The following CCAR2 variants were observed in gnomAD, a reference collection of about 807,000 sequenced individuals.
CCAR2 encodes cell cycle and apoptosis regulator protein 2.
A neutral mutation model predicts 108.1 loss-of-function variants in CCAR2; 21 were observed. The ratio of observed to expected loss-of-function variants is 0.19; its 90% CI spans 0.14 to 0.28. The LOEUF (loss-of-function observed/expected upper bound fraction) is 0.28, where lower values mean the gene tolerates loss of function less well. Among genes scored for constraint, CCAR2 ranks in the 10% least tolerant of loss-of-function variants. CCAR2 has a pLI of 1.00. For synonymous variants in CCAR2, 577 were observed against 472.8 expected (o/e 1.22, Z -2.86); for missense variants, 1,126 against 1,177.0 (o/e 0.96, Z 0.63).
chr8:22,615,402 G>T (rs201009166), intron 11 of CCAR2, 23 bp from the exon 12 acceptor site: 1 of 1,608,252 alleles, frequency 6.2e-7, no homozygotes, highest in East Asian at 2.2e-5. Flanking sequence ...AAAGAAGTTA[G>T]TACCTCCTTT....
At position 22,619,794 on chromosome 8, in the gene CCAR2, G is replaced by GTGGC; in HGVS notation, c.*115_*118dup. The GTGGC allele has an allele frequency of 3.3e-6, 4 of 1,198,756 alleles. No homozygotes were observed. The highest frequency in any genetic ancestry group is 3.6e-6 in the Non-Finnish European group (3 of 840,388). The allele number at this position is 1,198,756 out of a possible 1,614,324, so 74.3% of individuals were successfully genotyped here. On this transcript the variant is annotated 3_prime_UTR_variant, in exon 21 of 21. Coordinates refer to ENST00000308511, the MANE Select transcript of CCAR2 (RefSeq NM_001393997.1). The stretch of plus-strand genomic sequence containing the variant: ...GCGAGACCTGGGAGCCAGGGCAGGG[G>GTGGC]TGGCTGACCCCATGCTCAGCCTCTA...
chr8:22,607,980 T>C lies in CCAR2; in HGVS notation c.499T>C (p.Phe167Leu), dbSNP rs1042426564. Residue 167 changes from phenylalanine to leucine, a missense_variant, in exon 7 of 21, where the codon TTC (phenylalanine) becomes CTC (leucine). Physicochemically the swap from Phe to Leu is conservative, Grantham distance 22. Transcript: ENST00000308511. ...TTTCCTTTCTGCAGCTCTGAGTCTC[T>C]TCCAAACATCCCACACACTTCACCT... ...PLFPQKPLSL[F>L]QTSHTLHLSH... 1 of 1,613,834 alleles carries C rather than the reference T, an allele frequency of 6.2e-7. No individual in the cohort carries two copies. Among genetic ancestry groups the C allele is most frequent in the Non-Finnish European group, 8.5e-7 (1 of 1,179,974 alleles).
intron 7 of CCAR2, 179 bp from the exon 8 acceptor site, chr8:22,612,838 A>G: frequency 1.5e-6 from 1 of 669,648 alleles, no homozygotes; most frequent in African/African-American, 1.8e-5. Context: ...TGTTTATTAA[A>G]ACAGTAAATA....
Position 22,618,468 on chromosome 8 carries a change from C to T in CCAR2, c.2193C>T (p.Thr731=), listed in dbSNP as rs200139444. Residue 731 remains threonine (T), a synonymous_variant, in exon 17 of 21, where the codon ACC becomes ACT. Transcript: ENST00000308511. ...GAGACTTAGAGAGGATCCTCCTTAC[C>T]CTTGGGATCCGGCTCAGTGCAGAGC... ...HRRDLERILL[T]LGIRLSAEQA... 5.0e-6 allele frequency: 8 copies of T among 1,614,216 alleles called. No individual in the cohort carries two copies. Among genetic ancestry groups the T allele is most frequent in the South Asian group, 1.1e-5 (1 of 91,082 alleles).
chr8:22,610,132 TG>T (rs1281759411), intron 7 of CCAR2, among the ~76,000 whole-genome samples: 1 of 152,114 alleles, frequency 6.6e-6, no homozygotes, highest in Non-Finnish European at 1.5e-5. Context: ...ATACTACCAT[TG>T]GGAGGGAGAT....
At chr8:22,605,009 G>T in intron 1 of CCAR2, 167 bp downstream of exon 1, 1 of 308,228 alleles carries the variant, frequency 3.2e-6, no homozygotes, top group Non-Finnish European at 6.4e-6. Context: ...TCGGCCTTGG[G>T]GGCGGGCGGG....
intron 7 of CCAR2, among the ~76,000 whole-genome samples, chr8:22,611,620 G>A (rs892234083): frequency 1.3e-5 from 2 of 152,130 alleles, no homozygotes; most frequent in East Asian, 3.9e-4. Context: ...CTATACATGT[G>A]CATACTTTTT....
At chr8:22,618,218 G>A (rs1231687555) in intron 16 of CCAR2, 131 bp from the exon 17 acceptor site, 8 of 1,225,918 alleles carry the variant, frequency 6.5e-6, no homozygotes, top group Non-Finnish European at 9.4e-6. Flanking sequence ...AGCCTCCCCA[G>A]CAGCTGGGAC....
chr8:22,615,015 C>G lies in CCAR2; in HGVS notation c.1205+14C>G. ...CTGTACCAAGTGGTGAGTGGGCTTC[C>G]TGAGCCTCAGCTGCACCAACGCACC... On this transcript the variant is annotated intron_variant, in intron 11 of 20. Coordinates refer to ENST00000308511, the MANE Select transcript of CCAR2 (RefSeq NM_001393997.1). The G allele has an allele frequency of 2.6e-6, 4 of 1,546,524 alleles. No homozygotes were observed. Among genetic ancestry groups the G allele is most frequent in the South Asian group, 1.2e-5 (1 of 83,958 alleles).
In CCAR2 at chr8:22,615,482, A is replaced by G. The variant is rs1174110627; in HGVS notation, c.1263A>G (p.Thr421=). The G allele has an allele frequency of 6.2e-7, 1 of 1,613,844 alleles. No homozygotes were observed. Among genetic ancestry groups the G allele is most frequent in the South Asian group, 1.1e-5 (1 of 91,080 alleles). ...LQPGPPRRLQ[T]VVVYLPDVWT... ...CGGGACCCCCCCGGCGGCTTCAGACAGTGGTGGTGTACCTGCCGGATGTCT... is the reference window on the plus strand; with the variant it reads ...CGGGACCCCCCCGGCGGCTTCAGACGGTGGTGGTGTACCTGCCGGATGTCT... Residue 421 remains threonine, a synonymous_variant, in exon 12 of 21, where the codon ACA becomes ACG. Coordinates refer to ENST00000308511, the MANE Select transcript of CCAR2 (RefSeq NM_001393997.1).
chr8:22,614,777 C>A (rs756528966), intron 10 of CCAR2, 61 bp from the exon 11 acceptor site: 1 of 1,605,674 alleles, frequency 6.2e-7, no homozygotes, highest in Non-Finnish European at 8.5e-7. Flanking sequence ...CAGCCTTGCC[C>A]TGCAGTGGGA....
At chr8:22,605,454 C>T (rs1801031702) in intron 1 of CCAR2, 2 of 285,330 alleles carry the variant, frequency 7.0e-6, no homozygotes, top group Admixed American at 4.9e-5. Flanking sequence ...GGTTATGTGG[C>T]CCCGGGCAAG....
rs893207033 is a variant in CCAR2 at position 22,612,932 on chromosome 8, A to G, written c.585-85A>G. 2.8e-6 allele frequency: 4 copies of G among 1,433,434 alleles called. No individual in the cohort carries two copies. The African/African-American group carries it at 5.8e-5, about 21-fold the overall frequency. 88.8% of individuals were successfully genotyped at this position (1,433,434 alleles called of 1,614,324 possible). On this transcript the variant is annotated intron_variant, in intron 7 of 20. Coordinates refer to ENST00000308511, the MANE Select transcript of CCAR2 (RefSeq NM_001393997.1). ...CATTTATTGAATGTGAGGGATTTCG[A>G]TTGTTTCCAGTTCTTTTAGTTCAGT...
intron 10 of CCAR2, 31 bp from the exon 11 acceptor site, chr8:22,614,807 T>A: frequency 6.2e-7 from 1 of 1,604,538 alleles, no homozygotes; most frequent in Admixed American, 1.7e-5. Flanking sequence ...AATGTAGTTT[T>A]TTGTTTTGTA....
chr8:22,615,594 G>A lies in CCAR2; in HGVS notation c.1375G>A (p.Gly459Arg), dbSNP rs979809220. 1 of 1,613,756 alleles carries A rather than the reference G, an allele frequency of 6.2e-7. No individual in the cohort carries two copies. Among genetic ancestry groups the A allele is most frequent in the African/African-American group, 1.3e-5 (1 of 74,932 alleles). ...EAAPPTQEAQ[G>R]ETEPTEQAPD... Reference sequence around the variant, plus strand: ...AGCTCCCCCAACCCAGGAGGCACAAGGGGTAAGGCTGTGCCTTAGCCAGCA... The same window carrying A: ...AGCTCCCCCAACCCAGGAGGCACAAAGGGTAAGGCTGTGCCTTAGCCAGCA... The change falls in exon 12 of 21, where the codon GGG becomes AGG. Residue 459 changes from glycine to arginine, a missense_variant and splice_region_variant. This residue lies in a region of CCAR2 where 1,013 missense variants were observed against 993.9 expected (regional missense o/e 1.02). Coordinates refer to ENST00000308511, the MANE Select transcript of CCAR2 (RefSeq NM_001393997.1).
At chr8:22,607,531 G>A (rs1464881213) in intron 6 of CCAR2, among the ~76,000 whole-genome samples, 3 of 143,312 alleles carry the variant, frequency 2.1e-5, no homozygotes, top group African/African-American at 7.8e-5. Flanking sequence ...GCAATGACAC[G>A]ATCTCGGCTC....
In CCAR2 at chr8:22,616,212, G is replaced by A. The variant is rs59511580; in HGVS notation, c.1809G>A (p.Gln603=). Reference sequence around the variant, plus strand: ...TCAAGGAGCCCAAGGATGAGGCACAGAATGAGGGCCCGGCTACAGAGTCAG... The same window carrying A: ...TCAAGGAGCCCAAGGATGAGGCACAAAATGAGGGCCCGGCTACAGAGTCAG... The part of the protein sequence containing the change: ...EVVKEPKDEA[Q]NEGPATESEA... The change falls in exon 14 of 21, where the codon CAG becomes CAA. Residue 603 remains glutamine, a synonymous_variant. Coordinates refer to ENST00000308511, the MANE Select transcript of CCAR2 (RefSeq NM_001393997.1). The A allele has an allele frequency of 1.1e-5, 18 of 1,613,528 alleles. No homozygotes were observed. The South Asian group carries it at 1.5e-4, about 14-fold the overall frequency.
In CCAR2 at chr8:22,618,867, G is replaced by C; in HGVS notation, c.2373G>C (p.Lys791Asn). Residue 791 changes from lysine (K) to asparagine (N), a missense_variant, in exon 19 of 21, where the codon AAG (lysine) becomes AAC (asparagine). Transcript: ENST00000308511. Reference sequence around the variant, plus strand: ...TGCCCCCTCCTGGGAAAAGCACGAAGCCAGGTGCTGCCCCCACAGAACACA... The same window carrying C: ...TGCCCCCTCCTGGGAAAAGCACGAACCCAGGTGCTGCCCCCACAGAACACA... ...DLLPPPGKST[K>N]PGAAPTEHKA... 1 of 1,614,024 alleles carries C rather than the reference G, an allele frequency of 6.2e-7. No homozygotes were observed. Among genetic ancestry groups the C allele is most frequent in the Non-Finnish European group, 8.5e-7 (1 of 1,180,032 alleles).
intron 5 of CCAR2, 54 bp downstream of exon 5, chr8:22,607,078 G>T: frequency 6.2e-7 from 1 of 1,609,112 alleles, no homozygotes; most frequent in Non-Finnish European, 8.5e-7. Context: ...GGAAGCCCCT[G>T]TGCCCTGACA....
Sources: gnomAD v4.1 joint callset for allele counts (sites outside exome capture counted in the v4.1 genomes callset) on GRCh38, gnomAD v4.1.1 for gene constraint, gnomAD v4.1.1 regional missense constraint, MANE v1.5 for transcripts, NCBI Gene and HGNC (gene_info 2026-07-23, HGNC 2026-07-21) for gene names.